The following SLC6A18 variants were observed in gnomAD, a reference collection of about 807,000 sequenced individuals.
SLC6A18 encodes the protein inactive sodium-dependent neutral amino acid transporter B(0)AT3.
SLC6A18 carries 58 observed loss-of-function variants against 62.9 expected under a neutral mutation model. The ratio of observed to expected loss-of-function variants is 0.92; its 90% CI spans 0.75 to 1.15. The LOEUF is 1.15. SLC6A18 is among the 50% of genes most tolerant of loss of function. The pLI is 0.00. For missense variants in SLC6A18, 793 were observed against 836.6 expected (o/e 0.95, Z 0.64); for synonymous variants, 382 against 365.8 (o/e 1.04, Z -0.51).
intron 11 of SLC6A18, among the ~76,000 whole-genome samples, chr5:1,245,177 G>A (rs1180512207): frequency 6.6e-6 from 1 of 152,174 alleles, no homozygotes; most frequent in Non-Finnish European, 1.5e-5. Context: ...GACAAGAGAG[G>A]TTGTGCACAG....
rs754073687 is a variant in SLC6A18 at position 1,243,474 on chromosome 5, T to C, written c.1132-81T>C. ...CACTCGTGTCCTCGGCCTGGGAGAG[T>C]GTGTGTCCTGCAGGCAGGCGTGTGT... On this transcript the variant is annotated intron_variant, in intron 8 of 11. Transcript: ENST00000324642. This position sits in a 1 kb window ranked among gnomAD's most constrained non-coding sequence, Gnocchi z 6.5. The C allele has an allele frequency of 3.4e-6, 5 of 1,473,546 alleles. No homozygotes were observed. The highest frequency in any genetic ancestry group is 3.7e-6 in the Non-Finnish European group (4 of 1,074,410). The allele number at this position is 1,473,546 out of a possible 1,614,324, so 91.3% of individuals were successfully genotyped here.
At chr5:1,244,175 C>CCCCCCCCA in intron 9 of SLC6A18, 39 bp from the exon 10 acceptor site, 1 of 893,914 alleles carries the variant, frequency 1.1e-6, no homozygotes, top group South Asian at 1.4e-5. Flanking sequence ...CTCCACTCCC[C>CCCCCCCCA]ATCCCCTTAC....
chr5:1,236,232 A>G (rs1262405214), intron 4 of SLC6A18, among the ~76,000 whole-genome samples: 1 of 151,992 alleles, frequency 6.6e-6, no homozygotes, highest in Non-Finnish European at 1.5e-5. Context: ...TTATTCTAGT[A>G]ACTGCTTTAG....
intron 4 of SLC6A18, 139 bp from the exon 5 acceptor site, chr5:1,237,811 C>G: frequency 1.5e-6 from 1 of 653,580 alleles, no homozygotes; most frequent in Non-Finnish European, 2.7e-6. Flanking sequence ...AGGTGCACCC[C>G]CATCCGTCCT....
At position 1,240,674 on chromosome 5, in the gene SLC6A18, C is replaced by A; in HGVS notation, c.974+15C>A. The A allele has an allele frequency of 1.2e-6, 2 of 1,612,844 alleles. No individual in the cohort carries two copies. The highest frequency in any genetic ancestry group is 1.7e-6 in the Non-Finnish European group (2 of 1,179,722). ...TGCCTGGACAGGTGAGCACAGGTGC[C>A]GCGCCTGGCTCTGTGGGGCACAGCC... On this transcript the variant is annotated intron_variant, in intron 7 of 11. Transcript: ENST00000324642.
chr5:1,235,216 C>T (rs1300625509), intron 3 of SLC6A18, among the ~76,000 whole-genome samples: 3 of 152,322 alleles, frequency 2.0e-5, no homozygotes, highest in Non-Finnish European at 2.9e-5. Flanking sequence ...GTGACAGTGA[C>T]GTCCAAGGGG....
chr5:1,243,776 G>T lies in SLC6A18; in HGVS notation c.1336+17G>T. 1 of 1,577,466 alleles carries T rather than the reference G, an allele frequency of 6.3e-7. No homozygotes were observed. The highest frequency in any genetic ancestry group is 8.6e-7 in the Non-Finnish European group (1 of 1,161,042). ...CCCTGACTGGTGAGCGCACAGCTCCGCCGCCCTGGAGGACCCGTCCCCAGC... is the reference window on the plus strand; with the variant it reads ...CCCTGACTGGTGAGCGCACAGCTCCTCCGCCCTGGAGGACCCGTCCCCAGC... On this transcript the variant is annotated intron_variant, in intron 9 of 11. Coordinates refer to ENST00000324642, the MANE Select transcript of SLC6A18 (RefSeq NM_182632.3). This position sits in a 1 kb window ranked among gnomAD's most constrained non-coding sequence, Gnocchi z 6.5.
chr5:1,238,208 C>T, intron 5 of SLC6A18, 148 bp downstream of exon 5: 1 of 669,028 alleles, frequency 1.5e-6, no homozygotes, highest in Non-Finnish European at 2.6e-6. Flanking sequence ...GAGGTTGGCC[C>T]AGGATGGCGT....
intron 1 of SLC6A18, among the ~76,000 whole-genome samples, chr5:1,230,813 C>T (rs189272054): frequency 2.1e-4 from 32 of 152,300 alleles, no homozygotes; most frequent in African/African-American, 6.5e-4. Context: ...AGTGCCACCC[C>T]GCAGCCTGTC....
chr5:1,244,513 G>T, intron 10 of SLC6A18, 95 bp from the exon 11 acceptor site: 1 of 1,547,400 alleles, frequency 6.5e-7, no homozygotes, highest in Non-Finnish European at 8.7e-7. Context: ...GCACCAGAGG[G>T]TGCAGGTTGG....
rs967331254 is a variant in SLC6A18, at chr5:1,241,068, C to A, written c.974+409C>A. Among the ~76,000 whole-genome samples, 3 of 152,088 alleles carry A rather than the reference C, an allele frequency of 2.0e-5. No individual in the cohort carries two copies. Among genetic ancestry groups the A allele is most frequent in the Non-Finnish European group, 4.4e-5 (3 of 68,008 alleles). On this transcript the variant is annotated intron_variant, in intron 7 of 11. Transcript: ENST00000324642. This position sits in a 1 kb window ranked among gnomAD's most constrained non-coding sequence, Gnocchi z 7.8. ...GTCTCCCGTGCAGGCTCAGGAGGGG[C>A]GCGGCCTGGCCACACTGGGATTTCA...
At position 1,232,364 on chromosome 5, in the gene SLC6A18, G is replaced by A. The variant is rs577703977; in HGVS notation, c.301+5G>A. ...CCCCGTACCTCAGTGGAGTAGGTAG[G>A]CCACCGTCCTCGCTTGCCCTGACTG... On this transcript the variant is annotated splice_donor_5th_base_variant and intron_variant, in intron 2 of 11. Coordinates refer to ENST00000324642, the MANE Select transcript of SLC6A18 (RefSeq NM_182632.3). 1.2e-6 allele frequency: 2 copies of A among 1,608,434 alleles called. No individual in the cohort carries two copies. The highest frequency in any genetic ancestry group is 2.7e-5 in the African/African-American group (2 of 74,984).
chr5:1,234,219 A>G (rs73034527), intron 3 of SLC6A18, among the ~76,000 whole-genome samples: 3,813 of 152,310 alleles, frequency 0.025, 151 homozygotes, highest in African/African-American at 0.078. Context: ...CTTAGGAAGC[A>G]ACTCTGACTT....
chr5:1,244,168 C>A, intron 9 of SLC6A18, 46 bp from the exon 10 acceptor site: 1 of 870,404 alleles, frequency 1.1e-6, no homozygotes, highest in Non-Finnish European at 1.8e-6. Context: ...CCCACACCTC[C>A]ACTCCCCATC....
Position 1,245,894 on chromosome 5 carries a change from GCGCCGCCT to G in SLC6A18, c.1704_1711del (p.Ala569CysfsTer76), listed in dbSNP as rs1561182193. On this transcript the variant is annotated frameshift_variant, in exon 12 of 12. Coordinates refer to ENST00000324642, the MANE Select transcript of SLC6A18 (RefSeq NM_182632.3). LOFTEE classifies it low-confidence loss of function (END_TRUNC). ...GAGAAGCTCTACCCGGGCTGGGCGC[GCGCCGCCT>G]GTGTGCTGCTGTCCTTGCTGCCCGT... is the stretch of plus-strand genomic sequence containing the variant. 1 of 1,607,816 alleles carries G rather than the reference GCGCCGCCT, an allele frequency of 6.2e-7. No homozygotes were observed. The highest frequency in any genetic ancestry group is 2.2e-5 in the East Asian group (1 of 44,818).
At chr5:1,232,126 C>A (rs1186715340) in intron 1 of SLC6A18, 93 bp from the exon 2 acceptor site, 5 of 1,177,448 alleles carry the variant, frequency 4.2e-6, no homozygotes, top group Admixed American at 2.0e-5. Context: ...TCCCGTCTGC[C>A]CCTTGAAGAC....
intron 4 of SLC6A18, among the ~76,000 whole-genome samples, chr5:1,236,780 C>T (rs982241601): frequency 3.4e-5 from 5 of 147,216 alleles, no homozygotes; most frequent in Admixed American, 6.7e-5. Flanking sequence ...TGTCTCAGGA[C>T]GCCAGTGCCC....
At chr5:1,225,703 C>T in intron 1 of SLC6A18, 66 bp downstream of exon 1, 3 of 1,481,660 alleles carry the variant, frequency 2.0e-6, no homozygotes, top group Non-Finnish European at 2.7e-6. Context: ...CCCTGACCTG[C>T]CAGGCGCCTG....
Position 1,241,438 on chromosome 5 carries a change from G to T in SLC6A18, c.974+779G>T, listed in dbSNP as rs1303395137. Among the ~76,000 whole-genome samples, 1 of 152,168 alleles carries T rather than the reference G, an allele frequency of 6.6e-6. No individual in the cohort carries two copies. The highest frequency in any genetic ancestry group is 6.5e-5 in the Admixed American group (1 of 15,286). On this transcript the variant is annotated intron_variant, in intron 7 of 11. Transcript: ENST00000324642. The surrounding 1 kb of genome is among the most constrained non-coding windows in gnomAD (Gnocchi z 7.8). ...AGTGGGTGGAGGCCGAGGATACCTC[G>T]CAGCACCCTACAGTGTCCAGGACGG... is the stretch of plus-strand genomic sequence containing the variant.
Sources: gnomAD v4.1 joint callset for allele counts (sites outside exome capture counted in the v4.1 genomes callset) on GRCh38, gnomAD v4.1.1 for gene constraint, Gnocchi (gnomAD v3.1) non-coding constraint, MANE v1.5 for transcripts, NCBI Gene and HGNC (gene_info 2026-07-23, HGNC 2026-07-21) for gene names.